KALRN: variants seen among roughly 807,000 people sequenced by gnomAD.
KALRN encodes kalirin RhoGEF kinase, also known as kalirin.
KALRN carries 70 observed loss-of-function variants against 353.7 expected under a neutral mutation model. The observed-to-expected ratio is 0.20, with a 90% CI of 0.16 to 0.24. The LOEUF is 0.24. KALRN is among the 10% of genes least tolerant of loss of function. The pLI is 1.00. For missense variants in KALRN, 2,791 were observed against 3,756.7 expected (o/e 0.74, Z 6.72); for synonymous variants, 1,391 against 1,434.8 (o/e 0.97, Z 0.69).
In KALRN at chr3:124,090,117, G is replaced by C. The variant is rs565856803; in HGVS notation, c.73+56304G>C. Among the ~76,000 whole-genome samples, 48 of 152,194 alleles carry C rather than the reference G, an allele frequency of 3.2e-4. 2 individuals are homozygous for C. The South Asian group carries it at 9.8e-3, about 31-fold the overall frequency. On this transcript the variant is annotated intron_variant, in intron 1 of 59. Coordinates refer to ENST00000682506, the MANE Select transcript of KALRN (RefSeq NM_001388419.1). ...CTGGCTCTTGTGTGGGCAGTGGGGG[G>C]TACTGGGGTGACATGCTGTGTTAGA...
At chr3:124,201,215 C>T (rs936895993) in intron 1 of KALRN, among the ~76,000 whole-genome samples, 4 of 152,242 alleles carry the variant, frequency 2.6e-5, no homozygotes, top group African/African-American at 9.6e-5. Flanking sequence ...CAACCTCTTA[C>T]TTAAGACAAA....
chr3:124,187,222 A>G (rs888938590), intron 1 of KALRN, among the ~76,000 whole-genome samples: 1 of 152,136 alleles, frequency 6.6e-6, no homozygotes, highest in Non-Finnish European at 1.5e-5. Flanking sequence ...CTGGGATTAC[A>G]GGTGCCCACC....
chr3:124,350,357 A>G (rs2082715977), intron 10 of KALRN, among the ~76,000 whole-genome samples: 1 of 152,198 alleles, frequency 6.6e-6, no homozygotes, highest in African/African-American at 2.4e-5. Flanking sequence ...TCCATTATAT[A>G]TCTTGTCTTA....
At chr3:124,200,089 T>A (rs74935508) in intron 1 of KALRN, among the ~76,000 whole-genome samples, 214 of 152,324 alleles carry the variant, frequency 1.4e-3, no homozygotes, top group African/African-American at 4.8e-3. Context: ...CAGCAGTGGC[T>A]GCAAAACTCA....
intron 33 of KALRN, among the ~76,000 whole-genome samples, chr3:124,555,271 C>T (rs995114709): frequency 3.3e-5 from 5 of 152,100 alleles, no homozygotes; most frequent in South Asian, 2.1e-4. Context: ...GTGGCTCACG[C>T]CTGTAATCCC....
intron 44 of KALRN, among the ~76,000 whole-genome samples, chr3:124,661,342 T>C (rs2084856913): frequency 6.6e-6 from 1 of 152,212 alleles, no homozygotes; most frequent in South Asian, 2.1e-4. Context: ...GTCAAACATA[T>C]AAAGTATTCC....
intron 1 of KALRN, among the ~76,000 whole-genome samples, chr3:124,153,659 T>G (rs2149931361): frequency 6.6e-6 from 1 of 151,480 alleles, no homozygotes; most frequent in South Asian, 2.1e-4. Context: ...GGTCAAATGG[T>G]ATTTCTAGTT....
chr3:124,707,909 T>A (rs333264), intron 57 of KALRN, among the ~76,000 whole-genome samples: 102,724 of 152,126 alleles, frequency 0.68, 35,149 homozygotes, highest in East Asian at 0.9. Context: ...CCAGCTGTGC[T>A]TGTATGAGGC....
chr3:124,594,757 A>G (rs6791518), intron 34 of KALRN, among the ~76,000 whole-genome samples: 23,492 of 152,078 alleles, frequency 0.15, 1,947 homozygotes, highest in Middle Eastern at 0.19. Flanking sequence ...CTGCAGGACC[A>G]GTGAATGATC....
intron 34 of KALRN, among the ~76,000 whole-genome samples, chr3:124,596,019 C>T (rs2076233209): frequency 6.6e-6 from 1 of 152,154 alleles, no homozygotes; most frequent in African/African-American, 2.4e-5. Context: ...GTGCAAGATA[C>T]ATAAACTCAG....
chr3:124,289,230 G>A (rs2076215758), intron 5 of KALRN, among the ~76,000 whole-genome samples: 1 of 152,036 alleles, frequency 6.6e-6, no homozygotes, highest in African/African-American at 2.4e-5. Context: ...CCTCCCAAAG[G>A]CCTCCCCTCT....
At chr3:124,245,588 A>G (rs891710320) in intron 3 of KALRN, among the ~76,000 whole-genome samples, 25 of 152,108 alleles carry the variant, frequency 1.6e-4, no homozygotes, top group South Asian at 1.0e-3. Context: ...TTGCTGTACT[A>G]ACTTACATTC....
chr3:124,399,644 C>T (rs922064889), intron 13 of KALRN, among the ~76,000 whole-genome samples: 4 of 152,172 alleles, frequency 2.6e-5, no homozygotes, highest in African/African-American at 7.2e-5. Flanking sequence ...AGAAGCCAAG[C>T]GCCACAGGAA....
chr3:124,413,776 A>G (rs2150271268), intron 14 of KALRN, 111 bp downstream of exon 14: 2 of 893,644 alleles, frequency 2.2e-6, no homozygotes, highest in East Asian at 2.7e-5. Flanking sequence ...CTACAGATAC[A>G]AAGAATAGAG....
chr3:124,431,998 A>G (rs2093296070), intron 16 of KALRN, among the ~76,000 whole-genome samples: 1 of 152,210 alleles, frequency 6.6e-6, no homozygotes, highest in South Asian at 2.1e-4. Flanking sequence ...GGCGGAATTA[A>G]CCAAAGGAAA....
intron 1 of KALRN, among the ~76,000 whole-genome samples, chr3:124,156,939 T>C (rs969303387): frequency 1.3e-5 from 2 of 152,358 alleles, no homozygotes. Context: ...ATGGCTATTT[T>C]AGGCTCTTTA....
chr3:124,258,970 G>A (rs2072455611), intron 3 of KALRN, among the ~76,000 whole-genome samples: 2 of 152,184 alleles, frequency 1.3e-5, no homozygotes, highest in Admixed American at 1.3e-4. Context: ...TCATAACACT[G>A]TAATAAAAAT....
chr3:124,342,369 A>G (rs1184125237), intron 9 of KALRN, among the ~76,000 whole-genome samples: 5 of 152,094 alleles, frequency 3.3e-5, no homozygotes, highest in African/African-American at 1.2e-4. Context: ...ATCCATGTGT[A>G]TGCATTATTT....
chr3:124,250,136 G>C (rs1160892413), intron 3 of KALRN, among the ~76,000 whole-genome samples: 2 of 152,210 alleles, frequency 1.3e-5, no homozygotes, highest in African/African-American at 4.8e-5. Flanking sequence ...CGTGCTGCAG[G>C]CAAAGAGCAC....
Sources: allele counts gnomAD v4.1 joint callset (sites outside exome capture counted in the v4.1 genomes callset), GRCh38; gene constraint gnomAD v4.1.1; transcripts MANE v1.5; gene names NCBI Gene and HGNC (gene_info 2026-07-23, HGNC 2026-07-21).